Variants in CWF19L1 observed in about 807,000 individuals in gnomAD.
The protein encoded by CWF19L1 is CWF19 like cell cycle control factor 1.
A neutral mutation model predicts 69.7 loss-of-function variants in CWF19L1; 60 were observed. The ratio of observed to expected loss-of-function variants is 0.86; its 90% CI spans 0.70 to 1.07. The LOEUF (loss-of-function observed/expected upper bound fraction) is 1.07. Ranked by LOEUF, CWF19L1 falls within the 50% of genes least tolerant of loss-of-function variation. The pLI is 0.00. For missense variants in CWF19L1, 591 were observed against 638.9 expected (o/e 0.92, Z 0.81); for synonymous variants, 209 against 222.2 (o/e 0.94, Z 0.53).
intron 3 of CWF19L1, among the ~76,000 whole-genome samples, chr10:100,260,618 G>A (rs1392860651): frequency 6.6e-6 from 1 of 151,912 alleles, no homozygotes; most frequent in African/African-American, 2.4e-5. Context: ...CGCCTCCCAG[G>A]TTCAAGCAAT....
chr10:100,256,756 T>C (rs1284537856), intron 4 of CWF19L1, among the ~76,000 whole-genome samples: 1 of 152,128 alleles, frequency 6.6e-6, no homozygotes, highest in East Asian at 1.9e-4. Context: ...TGGAAAAAGT[T>C]GGGAAGAGAA....
rs186339315 is a variant in CWF19L1 at position 100,258,927 on chromosome 10, G to A, written c.289+1291C>T. Among the ~76,000 whole-genome samples, 138 of 148,920 alleles carry A rather than the reference G, an allele frequency of 9.3e-4. 2 individuals are homozygous for A. The highest frequency in any genetic ancestry group is 9.1e-3 in the Admixed American group (136 of 14,926). On this transcript the variant is annotated intron_variant, in intron 4 of 13. Coordinates refer to ENST00000354105, the MANE Select transcript of CWF19L1 (RefSeq NM_018294.6). ...AACTAAAAAAAAAAAAAAAAGCCGA[G>A]CACAGTGGCTCACACCTGTAATCCC...
Position 100,245,925 on chromosome 10 carries a change from A to G in CWF19L1, c.850-12T>C, listed in dbSNP as rs1244732795. 1 of 1,589,274 alleles carries G rather than the reference A, an allele frequency of 6.3e-7. No homozygotes were observed. Among genetic ancestry groups the G allele is most frequent in the East Asian group, 2.2e-5 (1 of 44,756 alleles). ...CAGGCTGATTCTTCCTGGAATGGCC[A>G]AAAGCAGAAGATTAAATGTTATTCA... On this transcript the variant is annotated splice_polypyrimidine_tract_variant and intron_variant, in intron 8 of 13. Transcript: ENST00000354105.
At position 100,264,340 on chromosome 10, in the gene CWF19L1, T is replaced by C. The variant is rs549395999; in HGVS notation, c.24-2277A>G. On this transcript the variant is annotated intron_variant, in intron 1 of 13. Transcript: ENST00000354105. ...GCGAGCGGATCACAAGGTCAGGAGCTCGAGACCATCCTGGTTAACACAGTG... is the reference window on the plus strand; with the variant it reads ...GCGAGCGGATCACAAGGTCAGGAGCCCGAGACCATCCTGGTTAACACAGTG... Among the ~76,000 whole-genome samples the C allele has an allele frequency of 2.6e-5, 4 of 152,038 alleles. No individual in the cohort carries two copies. The South Asian group carries it at 8.3e-4, about 32-fold the overall frequency.
At position 100,233,182 on chromosome 10, in the gene CWF19L1, C is replaced by T; in HGVS notation, c.*45G>A. The T allele has an allele frequency of 6.1e-6, 9 of 1,464,492 alleles. No individual in the cohort carries two copies. The highest frequency in any genetic ancestry group is 2.3e-4 in the Middle Eastern group (1 of 4,392). 90.7% of individuals were successfully genotyped at this position (1,464,492 alleles called of 1,614,324 possible). ...TCTTTTAATTAAAAAAAAAAAAAAG[C>T]TTTACTACTTCCTGTGGAGTTCATA... is the stretch of plus-strand genomic sequence containing the variant. On this transcript the variant is annotated 3_prime_UTR_variant, in exon 14 of 14. Coordinates refer to ENST00000354105, the MANE Select transcript of CWF19L1 (RefSeq NM_018294.6).
intron 5 of CWF19L1, among the ~76,000 whole-genome samples, chr10:100,255,118 T>G (rs1847165605): frequency 6.6e-6 from 1 of 152,236 alleles, no homozygotes; most frequent in Admixed American, 6.5e-5. Flanking sequence ...CCCTCACACA[T>G]AACCTTTTCA....
chr10:100,260,922 A>C, intron 3 of CWF19L1, 44 bp downstream of exon 3: 1 of 1,268,720 alleles, frequency 7.9e-7, no homozygotes, highest in Non-Finnish European at 1.1e-6. Flanking sequence ...TGGCCCTTGA[A>C]ATTTTATTAG....
rs760801228 is a variant in CWF19L1 at position 100,256,347 on chromosome 10, A to G, written c.419T>C (p.Leu140Pro). 6.2e-7 allele frequency: 1 copy of G among 1,614,158 alleles called. No homozygotes were observed. Among genetic ancestry groups the G allele is most frequent in the Non-Finnish European group, 8.5e-7 (1 of 1,179,980 alleles). Residue 140 changes from leucine to proline, a missense_variant, in exon 5 of 14, where the codon CTG (leucine) becomes CCG (proline). Physicochemically the swap from Leu to Pro is moderately conservative, Grantham distance 98. Transcript: ENST00000354105. Reference protein sequence around the residue: ...PKDVSSLRMMLCTTSQFKGVD... With the variant: ...PKDVSSLRMMPCTTSQFKGVD... Reference sequence around the variant, plus strand: ...ACCCTTAAACTGGGAGGTTGTACACAGCATCATTCTCAGAGAAGACACATC... The same window carrying G: ...ACCCTTAAACTGGGAGGTTGTACACGGCATCATTCTCAGAGAAGACACATC...
intron 7 of CWF19L1, 181 bp downstream of exon 7, chr10:100,250,067 C>A: frequency 1.6e-6 from 1 of 618,858 alleles, no homozygotes; most frequent in Non-Finnish European, 2.9e-6. Flanking sequence ...TTTAAACTCT[C>A]CTACAAAAAG....
chr10:100,240,457 A>G (rs1047769456), intron 10 of CWF19L1, among the ~76,000 whole-genome samples: 3 of 152,238 alleles, frequency 2.0e-5, no homozygotes, highest in Non-Finnish European at 4.4e-5. Flanking sequence ...TTTCTACCTA[A>G]GGACAGTGTA....
Position 100,250,246 on chromosome 10 carries a change from A to G in CWF19L1, c.708+2T>C. 1 of 1,594,224 alleles carries G rather than the reference A, an allele frequency of 6.3e-7. No homozygotes were observed. Among genetic ancestry groups the G allele is most frequent in the Non-Finnish European group, 8.6e-7 (1 of 1,162,350 alleles). On this transcript the variant is annotated splice_donor_variant, in intron 7 of 13. Coordinates refer to ENST00000354105, the MANE Select transcript of CWF19L1 (RefSeq NM_018294.6). LOFTEE classifies it high-confidence loss of function. ...CCTTCCACCAAATAGGTAAATCTTTACCTTTTTCTTTTCTGGATTTCCAAC... is the reference window on the plus strand; with the variant it reads ...CCTTCCACCAAATAGGTAAATCTTTGCCTTTTTCTTTTCTGGATTTCCAAC...
intron 6 of CWF19L1, among the ~76,000 whole-genome samples, chr10:100,253,177 G>C (rs1847099350): frequency 6.6e-6 from 1 of 152,078 alleles, no homozygotes; most frequent in South Asian, 2.1e-4. Flanking sequence ...ACACCATCAT[G>C]CCTGGCCCTG....
intron 13 of CWF19L1, 76 bp downstream of exon 13, chr10:100,235,591 T>A (rs1831839881): frequency 1.5e-5 from 15 of 1,024,572 alleles, no homozygotes; most frequent in Non-Finnish European, 1.8e-5. Context: ...TAGCTTTTTA[T>A]CAATTGTCCC....
At chr10:100,236,773 C>G (rs1019492650) in intron 12 of CWF19L1, 77 bp downstream of exon 12, 3 of 1,508,986 alleles carry the variant, frequency 2.0e-6, no homozygotes, top group Non-Finnish European at 2.7e-6. Context: ...CTGTCTCAAA[C>G]AAACAAACAA....
At chr10:100,237,062 G>C in intron 11 of CWF19L1, 93 bp from the exon 12 acceptor site, 1 of 1,451,644 alleles carries the variant, frequency 6.9e-7, no homozygotes, top group Non-Finnish European at 9.4e-7. Context: ...CCATCACAGG[G>C]GTGGAGAAAC....
intron 8 of CWF19L1, 102 bp downstream of exon 8, chr10:100,246,692 GA>G (rs1222514495): frequency 4.4e-5 from 51 of 1,172,164 alleles, no homozygotes; most frequent in South Asian, 8.1e-5. Context: ...TTCCCAAGGG[GA>G]AAAAAAAGAT....
chr10:100,248,201 G>A (rs1324179754), intron 7 of CWF19L1: 1 of 689,644 alleles, frequency 1.5e-6, no homozygotes, highest in African/African-American at 1.8e-5. Context: ...AAAATAGGCT[G>A]GGGAATTTAT....
At chr10:100,267,485 C>A (rs1279930576) in intron 1 of CWF19L1, 86 bp downstream of exon 1, 5 of 1,611,982 alleles carry the variant, frequency 3.1e-6, no homozygotes, top group Non-Finnish European at 4.2e-6. Flanking sequence ...TCTCCCTTCC[C>A]GTCATGGGAA....
rs376303184 is a variant in CWF19L1, at chr10:100,245,752, T to G, written c.964+47A>C. 80 of 1,458,526 alleles carry G rather than the reference T, an allele frequency of 5.5e-5. No homozygotes were observed. In the African/African-American group the frequency reaches 1.0e-3, roughly 19 times the overall value. The allele number at this position is 1,458,526 out of a possible 1,614,324, so 90.3% of individuals were successfully genotyped here. ...GCTGCTTTCCAAAGAAAAGCCAAAA[T>G]AACAGTTACTGTTCATAGAAGAAAC... is the stretch of plus-strand genomic sequence containing the variant. On this transcript the variant is annotated intron_variant, in intron 9 of 13. Coordinates refer to ENST00000354105, the MANE Select transcript of CWF19L1 (RefSeq NM_018294.6).
Sources: gnomAD v4.1 joint callset for allele counts (sites outside exome capture counted in the v4.1 genomes callset) on GRCh38, gnomAD v4.1.1 for gene constraint, MANE v1.5 for transcripts, NCBI Gene and HGNC (gene_info 2026-07-23, HGNC 2026-07-21) for gene names.